The following MAN1A2 variants were observed in gnomAD, a reference collection of about 807,000 sequenced individuals.
MAN1A2 encodes mannosyl-oligosaccharide 1,2-alpha-mannosidase IB.
MAN1A2 carries 26 observed loss-of-function variants against 75.7 expected under a neutral mutation model. The observed-to-expected ratio is 0.34, with a 90% CI of 0.25 to 0.48. MAN1A2 has a LOEUF of 0.48. MAN1A2 is among the 20% of genes least tolerant of loss of function. The pLI is 0.99. For missense variants in MAN1A2, 562 were observed against 775.5 expected (o/e 0.72, Z 3.27); for synonymous variants, 247 against 264.6 (o/e 0.93, Z 0.65).
At chr1:117,484,188 A>G (rs1484384436) in intron 8 of MAN1A2, among the ~76,000 whole-genome samples, 2 of 151,944 alleles carry the variant, frequency 1.3e-5, no homozygotes, top group Non-Finnish European at 2.9e-5. Flanking sequence ...CTGTATTCTT[A>G]AAGTAAGCCA....
At chr1:117,424,665 C>CCTTGAGT (rs1648307751) in intron 5 of MAN1A2, among the ~76,000 whole-genome samples, 1 of 152,172 alleles carries the variant, frequency 6.6e-6, no homozygotes, top group Non-Finnish European at 1.5e-5. Context: ...CACTCCTCTG[C>CCTTGAGT]CTTGAGTCTG....
chr1:117,470,017 T>C (rs888705816), intron 8 of MAN1A2, among the ~76,000 whole-genome samples: 8 of 152,132 alleles, frequency 5.3e-5, no homozygotes, highest in African/African-American at 1.9e-4. Context: ...ACTTGTAGCC[T>C]AGTGTTCATT....
intron 12 of MAN1A2, among the ~76,000 whole-genome samples, chr1:117,509,498 T>C (rs144600599): frequency 6.6e-6 from 1 of 152,058 alleles, no homozygotes; most frequent in Non-Finnish European, 1.5e-5. Context: ...CTGCCCCGAC[T>C]TGGAAGTATA....
rs1214680933 is a variant in MAN1A2 at position 117,528,020 on chromosome 1, T to C, written c.*5063T>C. On this transcript the variant is annotated 3_prime_UTR_variant, in exon 13 of 13. Transcript: ENST00000356554. Reference sequence around the variant, plus strand: ...TATCCAAAAGGAGAATCCCTTTCTCTTGCATAACTCTCAATCCTTTACAAG... The same window carrying C: ...TATCCAAAAGGAGAATCCCTTTCTCCTGCATAACTCTCAATCCTTTACAAG... 1 of 152,098 alleles carries C rather than the reference T, an allele frequency of 6.6e-6. No individual in the cohort carries two copies. Among genetic ancestry groups the C allele is most frequent in the Non-Finnish European group, 1.5e-5 (1 of 67,980 alleles). 9.4% of individuals were successfully genotyped at this position (152,098 alleles called of 1,614,324 possible).
chr1:117,474,124 T>C (rs1570772835), intron 8 of MAN1A2, among the ~76,000 whole-genome samples: 1 of 151,954 alleles, frequency 6.6e-6, no homozygotes, highest in African/African-American at 2.4e-5. Flanking sequence ...TCTTGAATGG[T>C]TGGACAAGTG....
chr1:117,429,608 G>A, intron 5 of MAN1A2, among the ~76,000 whole-genome samples: 1 of 120,062 alleles, frequency 8.3e-6, no homozygotes, highest in Non-Finnish European at 1.8e-5. Flanking sequence ...CTCCCGGATG[G>A]GGCGGCTGGC....
At chr1:117,458,976 T>C (rs747438979) in intron 6 of MAN1A2, among the ~76,000 whole-genome samples, 24 of 152,230 alleles carry the variant, frequency 1.6e-4, no homozygotes, top group Middle Eastern at 6.8e-3. Flanking sequence ...ACTACCCTTC[T>C]ACCAAAAGCA....
At position 117,522,952 on chromosome 1, in the gene MAN1A2, C is replaced by T. The variant is rs748904688; in HGVS notation, c.1921C>T (p.Arg641Ter). 4.3e-6 allele frequency: 7 copies of T among 1,610,676 alleles called. No individual in the cohort carries two copies. The highest frequency in any genetic ancestry group is 3.3e-5 in the South Asian group (3 of 90,994). Residue 641 changes from arginine (R) to a stop codon, truncating the protein, a stop_gained, in exon 13 of 13, where the codon CGA becomes TGA. Transcript: ENST00000356554. LOFTEE classifies it high-confidence loss of function. ...CACACTTTCAGGTAATCCTGCTGTT[C>T]GATGAAAGCAGTTCCAGAAGGACCA... ...NTTLSGNPAVR is the reference protein window; with the variant it reads ...NTTLSGNPAV
chr1:117,400,218 T>A (rs1458729689), intron 1 of MAN1A2, among the ~76,000 whole-genome samples: 1 of 152,022 alleles, frequency 6.6e-6, no homozygotes, highest in Non-Finnish European at 1.5e-5. Context: ...GGATTCTTCC[T>A]CCCTGCTGAA....
At chr1:117,445,580 A>T (rs1649194689) in intron 6 of MAN1A2, among the ~76,000 whole-genome samples, 1 of 151,750 alleles carries the variant, frequency 6.6e-6, no homozygotes, top group Non-Finnish European at 1.5e-5. Context: ...CGACTGGAGT[A>T]CAATGGCACA....
chr1:117,392,458 T>TA (rs1653754408), intron 1 of MAN1A2, among the ~76,000 whole-genome samples: 1 of 152,220 alleles, frequency 6.6e-6, no homozygotes, highest in African/African-American at 2.4e-5. Flanking sequence ...ATGTATATCT[T>TA]ACCTTTTCTA....
At chr1:117,408,137 T>C (rs1032334745) in intron 3 of MAN1A2, among the ~76,000 whole-genome samples, 1 of 152,136 alleles carries the variant, frequency 6.6e-6, no homozygotes, top group Admixed American at 6.5e-5. Context: ...ATAGTTAGAA[T>C]GGCTGGGTGC....
intron 12 of MAN1A2, among the ~76,000 whole-genome samples, chr1:117,509,538 C>T (rs1415041148): frequency 1.3e-5 from 2 of 151,884 alleles, no homozygotes; most frequent in African/African-American, 4.8e-5. Flanking sequence ...TGTGTATTAT[C>T]AGTACTTCAT....
intron 1 of MAN1A2, among the ~76,000 whole-genome samples, chr1:117,372,254 G>T (rs544431724): frequency 6.6e-6 from 1 of 152,290 alleles, no homozygotes; most frequent in Admixed American, 6.5e-5. Flanking sequence ...GGTGATAGTG[G>T]AGAATGAGAT....
At chr1:117,441,237 C>G (rs1649020661) in intron 5 of MAN1A2, among the ~76,000 whole-genome samples, 1 of 152,050 alleles carries the variant, frequency 6.6e-6, no homozygotes, top group Non-Finnish European at 1.5e-5. Context: ...ATATTTCTCT[C>G]TAATATTTTC....
At chr1:117,426,344 G>T (rs1275830888) in intron 5 of MAN1A2, among the ~76,000 whole-genome samples, 1 of 151,532 alleles carries the variant, frequency 6.6e-6, no homozygotes, top group African/African-American at 2.4e-5. Flanking sequence ...TGTTTATTTT[G>T]CCTGAGGTTC....
At chr1:117,383,012 A>T (rs565181777) in intron 1 of MAN1A2, among the ~76,000 whole-genome samples, 2 of 152,072 alleles carry the variant, frequency 1.3e-5, no homozygotes, top group African/African-American at 2.4e-5. Flanking sequence ...TCCAATTTGG[A>T]TGTCTTTTAT....
At chr1:117,516,451 T>A (rs886331439) in intron 12 of MAN1A2, among the ~76,000 whole-genome samples, 14 of 152,062 alleles carry the variant, frequency 9.2e-5, no homozygotes, top group Non-Finnish European at 2.1e-4. Context: ...TTGGATTGGA[T>A]TAATAATAGA....
chr1:117,522,146 A>T lies in MAN1A2; in HGVS notation c.1794-679A>T, dbSNP rs373723795. Among the ~76,000 whole-genome samples the T allele has an allele frequency of 1.4e-4, 22 of 151,976 alleles. No individual in the cohort carries two copies. The East Asian group carries it at 2.9e-3, about 20-fold the overall frequency. On this transcript the variant is annotated intron_variant, in intron 12 of 12. Transcript: ENST00000356554. ...TCACTGCTAAAGAACTTACTCATGT[A>T]ACCAAATACCACCTGTACCCCAGTA...
Sources: allele counts gnomAD v4.1 joint callset (sites outside exome capture counted in the v4.1 genomes callset), GRCh38; gene constraint gnomAD v4.1.1; transcripts MANE v1.5; gene names NCBI Gene and HGNC (gene_info 2026-07-23, HGNC 2026-07-21).